CLSTN1: variants seen among roughly 807,000 people sequenced by gnomAD.
The protein encoded by CLSTN1 is calsyntenin 1.
In CLSTN1, 28 loss-of-function variants were observed where a neutral mutation model predicts 108.3. The ratio of observed to expected loss-of-function variants is 0.26; its 90% CI spans 0.19 to 0.35. CLSTN1 has a LOEUF of 0.35. Among genes scored for constraint, CLSTN1 ranks in the 10% least tolerant of loss-of-function variants. CLSTN1 has a pLI of 1.00. For synonymous variants in CLSTN1, 524 were observed against 534.9 expected, an observed-to-expected ratio of 0.98 and a Z score of 0.28; for missense variants, 1,157 against 1,302.6, an observed-to-expected ratio of 0.89 and a Z score of 1.72.
At chr1:9,770,132 A>G (rs1652599999) in intron 2 of CLSTN1, among the ~76,000 whole-genome samples, 1 of 152,224 alleles carries the variant, frequency 6.6e-6, no homozygotes, top group African/African-American at 2.4e-5. Context: ...CCCCCATGAA[A>G]ATATCCAAAA....
intron 1 of CLSTN1, among the ~76,000 whole-genome samples, chr1:9,821,912 A>G (rs918443513): frequency 2.0e-5 from 3 of 152,366 alleles, no homozygotes; most frequent in African/African-American, 4.8e-5. Context: ...ACTAGCCAAC[A>G]CACCTTTCAC....
At chr1:9,822,047 A>C (rs1655210016) in intron 1 of CLSTN1, among the ~76,000 whole-genome samples, 1 of 152,246 alleles carries the variant, frequency 6.6e-6, no homozygotes, top group African/African-American at 2.4e-5. Context: ...CACCAATTTT[A>C]ACAAGAAATG....
At chr1:9,737,597 G>A in intron 10 of CLSTN1, 43 bp from the exon 11 acceptor site, 3 of 1,575,928 alleles carry the variant, frequency 1.9e-6, no homozygotes, top group Non-Finnish European at 2.6e-6. Context: ...GGACTGAGAG[G>A]TTAGGGTCTT....
chr1:9,734,861 A>G lies in CLSTN1; in HGVS notation c.2110+87T>C. On this transcript the variant is annotated intron_variant, in intron 14 of 18. Transcript: ENST00000377298. The surrounding 1 kb of genome is among the most constrained non-coding windows in gnomAD (Gnocchi z 4.8). ...AAAGATTAAAACCTCCCCAAATCCC[A>G]CAGAGACAAAGAGCCCCGCCAAGTA... 8.7e-7 allele frequency: 1 copy of G among 1,148,808 alleles called. No homozygotes were observed. The highest frequency in any genetic ancestry group is 2.2e-4 in the Middle Eastern group (1 of 4,466). The allele number at this position is 1,148,808 out of a possible 1,614,324, so 71.2% of individuals were successfully genotyped here.
intron 7 of CLSTN1, among the ~76,000 whole-genome samples, chr1:9,745,109 A>C (rs968932015): frequency 1.3e-5 from 2 of 152,002 alleles, no homozygotes; most frequent in South Asian, 2.1e-4. Flanking sequence ...TAAAAATAAC[A>C]ACCATGGATT....
Position 9,780,311 on chromosome 1 carries a change from A to C in CLSTN1, c.92-6917T>G, listed in dbSNP as rs539971574. Among the ~76,000 whole-genome samples, 7 of 152,342 alleles carry C rather than the reference A, an allele frequency of 4.6e-5. No individual in the cohort carries two copies. In the South Asian group the frequency reaches 1.4e-3, roughly 32 times the overall value. On this transcript the variant is annotated intron_variant, in intron 1 of 18. Coordinates refer to ENST00000377298, the MANE Select transcript of CLSTN1 (RefSeq NM_001009566.3). ...AAATATTCTTCTAATATTTGAGTCC[A>C]TAAAACTCCTGAGACTTAAACTAAA...
chr1:9,779,582 A>G (rs1653146092), intron 1 of CLSTN1, among the ~76,000 whole-genome samples: 2 of 152,092 alleles, frequency 1.3e-5, no homozygotes, highest in Admixed American at 1.3e-4. Context: ...ACTCTGTCTC[A>G]AAAAACAAAA....
At chr1:9,739,749 C>A (rs1650874805) in intron 10 of CLSTN1, among the ~76,000 whole-genome samples, 1 of 151,526 alleles carries the variant, frequency 6.6e-6, no homozygotes, top group African/African-American at 2.4e-5. Flanking sequence ...CCAGAATACA[C>A]AGGTTTTTCT....
chr1:9,752,416 T>C (rs1423807957), intron 4 of CLSTN1, among the ~76,000 whole-genome samples: 1 of 152,124 alleles, frequency 6.6e-6, no homozygotes, highest in African/African-American at 2.4e-5. Flanking sequence ...AACAATAACA[T>C]TACACTGTGG....
Position 9,821,782 on chromosome 1 carries a change from C to G in CLSTN1, c.91+1861G>C, listed in dbSNP as rs1417722200. Among the ~76,000 whole-genome samples the G allele has an allele frequency of 3.9e-5, 6 of 151,968 alleles. No homozygotes were observed. The East Asian group carries it at 1.2e-3, about 29-fold the overall frequency. On this transcript the variant is annotated intron_variant, in intron 1 of 18. Transcript: ENST00000377298. ...TCCAAGACATTTTCTAACTTGCAAC[C>G]TGAAAAAAATGCATACGAATAACTG...
At position 9,730,278 on chromosome 1, in the gene CLSTN1, G is replaced by GCGGCCAGAGAGGA. The variant is rs1553174336; in HGVS notation, c.*217_*229dup. 3.4e-6 allele frequency: 2 copies of GCGGCCAGAGAGGA among 582,832 alleles called. No homozygotes were observed. The highest frequency in any genetic ancestry group is 3.7e-5 in the African/African-American group (2 of 53,618). 36.1% of individuals were successfully genotyped at this position (582,832 alleles called of 1,614,324 possible). A position where few individuals can be genotyped will look rare whatever the true frequency, so the allele number is the denominator to read the frequency against. On this transcript the variant is annotated 3_prime_UTR_variant, in exon 19 of 19. Coordinates refer to ENST00000377298, the MANE Select transcript of CLSTN1 (RefSeq NM_001009566.3). This position sits in a 1 kb window ranked among gnomAD's most constrained non-coding sequence, Gnocchi z 5.6. ...GGGAGGCCCCTGTGCGAGCCGGATG[G>GCGGCCAGAGAGGA]CGGCCAGAGAGGACGTGTCAGCTCC... is the stretch of plus-strand genomic sequence containing the variant.
chr1:9,734,223 C>T lies in CLSTN1; in HGVS notation c.2111-81G>A, dbSNP rs1230211241. On this transcript the variant is annotated intron_variant, in intron 14 of 18. Transcript: ENST00000377298. The surrounding 1 kb of genome is among the most constrained non-coding windows in gnomAD (Gnocchi z 4.8). ...CGGGGCACACTGGATGCCCTGCCGG[C>T]TCACCCCAAACCTACATGGCTCTCG... 8 of 1,418,064 alleles carry T rather than the reference C, an allele frequency of 5.6e-6. No homozygotes were observed. The highest frequency in any genetic ancestry group is 7.8e-6 in the Non-Finnish European group (8 of 1,022,292). 87.8% of individuals were successfully genotyped at this position (1,418,064 alleles called of 1,614,324 possible). A position where few individuals can be genotyped will look rare whatever the true frequency, so the allele number is the denominator to read the frequency against.
intron 1 of CLSTN1, among the ~76,000 whole-genome samples, chr1:9,818,843 G>A (rs191231764): frequency 3.8e-5 from 5 of 131,494 alleles, no homozygotes; most frequent in Non-Finnish European, 3.1e-5. Context: ...CTGGAGTGCA[G>A]TGGCGCGATC....
chr1:9,730,999 G>T lies in CLSTN1; in HGVS notation c.2748+207C>A. The T allele has an allele frequency of 1.5e-6, 1 of 649,902 alleles. No individual in the cohort carries two copies. Among genetic ancestry groups the T allele is most frequent in the Non-Finnish European group, 2.6e-6 (1 of 378,402 alleles). 40.3% of individuals were successfully genotyped at this position (649,902 alleles called of 1,614,324 possible). A position where few individuals can be genotyped will look rare whatever the true frequency, so the allele number is the denominator to read the frequency against. ...ACCCAAGAGCGCCAAGCCCTGGCAT[G>T]GCTCTTCTCTACACTTAAGGCAGAA... On this transcript the variant is annotated intron_variant, in intron 18 of 18. Transcript: ENST00000377298. This position sits in a 1 kb window ranked among gnomAD's most constrained non-coding sequence, Gnocchi z 5.6.
intron 10 of CLSTN1, 77 bp downstream of exon 10, chr1:9,741,017 C>T: frequency 6.7e-7 from 1 of 1,482,754 alleles, no homozygotes; most frequent in South Asian, 1.2e-5. Context: ...GGATACCGAT[C>T]ACAGCCTGCT....
chr1:9,784,778 TAAA>T (rs1361807429), intron 1 of CLSTN1, among the ~76,000 whole-genome samples: 2 of 152,198 alleles, frequency 1.3e-5, no homozygotes, highest in East Asian at 3.8e-4. Flanking sequence ...GCTTTGATTT[TAAA>T]ATCCTGCTAG....
At chr1:9,782,861 G>A (rs1426170787) in intron 1 of CLSTN1, among the ~76,000 whole-genome samples, 2 of 152,160 alleles carry the variant, frequency 1.3e-5, no homozygotes, top group Non-Finnish European at 2.9e-5. Context: ...ACAAAAATTA[G>A]CCGGGCGTGG....
chr1:9,738,216 C>T (rs756212535), intron 10 of CLSTN1, among the ~76,000 whole-genome samples: 2 of 152,172 alleles, frequency 1.3e-5, no homozygotes, highest in Non-Finnish European at 2.9e-5. Flanking sequence ...GGGACCCTCA[C>T]CACCTTCAGC....
chr1:9,754,980 G>A (rs1009638807), intron 4 of CLSTN1, 134 bp downstream of exon 4: 6 of 652,068 alleles, frequency 9.2e-6, no homozygotes, highest in Admixed American at 3.0e-5. Flanking sequence ...CAATCTAATT[G>A]TAGACACTTG....
Sources: gnomAD v4.1 joint callset for allele counts (sites outside exome capture counted in the v4.1 genomes callset) on GRCh38, gnomAD v4.1.1 for gene constraint, Gnocchi (gnomAD v3.1) non-coding constraint, MANE v1.5 for transcripts, NCBI Gene and HGNC (gene_info 2026-07-23, HGNC 2026-07-21) for gene names.